The following ZCCHC4 variants were observed in gnomAD, a reference collection of about 807,000 sequenced individuals.
ZCCHC4 encodes rRNA N(6)-adenosine-methyltransferase ZCCHC4.
ZCCHC4 carries 54 observed loss-of-function variants against 67.7 expected under a neutral mutation model. That is an observed-to-expected ratio of 0.80 (90% CI 0.64 to 1.00). The LOEUF (loss-of-function observed/expected upper bound fraction) is 1.00, where lower values mean the gene tolerates loss of function less well. ZCCHC4 is among the 50% of genes least tolerant of loss of function. The pLI is 0.00. For missense variants in ZCCHC4, 609 were observed against 617.0 expected (o/e 0.99, Z 0.14); for synonymous variants, 198 against 213.5 (o/e 0.93, Z 0.63).
At chr4:25,347,687 A>G (rs754755206) in intron 6 of ZCCHC4, among the ~76,000 whole-genome samples, 13 of 152,228 alleles carry the variant, frequency 8.5e-5, no homozygotes, top group African/African-American at 1.9e-4. Context: ...TTAGGAGAAT[A>G]GAATACTCTG....
rs933077728 is a variant in ZCCHC4 at position 25,329,824 on chromosome 4, G to A, written c.330-3359G>A. ...GCTGGGATTACAGGCGTGAGCCACC[G>A]CACCTGGCCGGATGTTTTTATATTT... On this transcript the variant is annotated intron_variant, in intron 3 of 12. Coordinates refer to ENST00000302874, the MANE Select transcript of ZCCHC4 (RefSeq NM_024936.3). 5.3e-5 allele frequency among the ~76,000 whole-genome samples: 8 copies of A among 151,958 alleles called. No homozygotes were observed. The East Asian group carries it at 1.6e-3, about 29-fold the overall frequency.
At chr4:25,351,245 C>A (rs190382119) in intron 7 of ZCCHC4, among the ~76,000 whole-genome samples, 1 of 152,296 alleles carries the variant, frequency 6.6e-6, no homozygotes, top group African/African-American at 2.4e-5. Context: ...GTCCAGAGGT[C>A]CTTTCACTGC....
At chr4:25,358,705 G>A (rs1229038004) in intron 8 of ZCCHC4, among the ~76,000 whole-genome samples, 1 of 152,218 alleles carries the variant, frequency 6.6e-6, no homozygotes, top group African/African-American at 2.4e-5. Context: ...AGCGGGTTTG[G>A]AGCACAGGTG....
chr4:25,312,953 GCT>G lies in ZCCHC4; in HGVS notation c.127+19_127+20del. Reference sequence around the variant, plus strand: ...GCCCTCACGGTGGGTCAGAGTCTGGGCTCAGCCTAACTGCCGGGCGCTGAGGG... The same window carrying G: ...GCCCTCACGGTGGGTCAGAGTCTGGGCAGCCTAACTGCCGGGCGCTGAGGG... On this transcript the variant is annotated intron_variant, in intron 1 of 12. Coordinates refer to ENST00000302874, the MANE Select transcript of ZCCHC4 (RefSeq NM_024936.3). The G allele has an allele frequency of 6.2e-7, 1 of 1,610,460 alleles. No individual in the cohort carries two copies. The highest frequency in any genetic ancestry group is 8.5e-7 in the Non-Finnish European group (1 of 1,179,748).
At chr4:25,324,849 A>G (rs952896051) in intron 3 of ZCCHC4, among the ~76,000 whole-genome samples, 1 of 152,204 alleles carries the variant, frequency 6.6e-6, no homozygotes. Context: ...AGAAATGTCT[A>G]TTCAGTTCCT....
intron 3 of ZCCHC4, among the ~76,000 whole-genome samples, chr4:25,316,268 A>G (rs1239241217): frequency 6.6e-6 from 1 of 152,192 alleles, no homozygotes; most frequent in Admixed American, 6.5e-5. Flanking sequence ...TGCTGTTGTG[A>G]ATGATGCTAC....
In ZCCHC4 at chr4:25,355,797, A is replaced by T. The variant is rs192180683; in HGVS notation, c.1011+4108A>T. 1.1e-4 allele frequency among the ~76,000 whole-genome samples: 17 copies of T among 152,328 alleles called. No individual in the cohort carries two copies. In the East Asian group the frequency reaches 3.1e-3, roughly 28 times the overall value. ...GGTTTGAAGTAAAAAGGGGTATAAGATGTCCGCATGTCAATTTCAAATGAG... is the reference window on the plus strand; with the variant it reads ...GGTTTGAAGTAAAAAGGGGTATAAGTTGTCCGCATGTCAATTTCAAATGAG... On this transcript the variant is annotated intron_variant, in intron 8 of 12. Coordinates refer to ENST00000302874, the MANE Select transcript of ZCCHC4 (RefSeq NM_024936.3).
chr4:25,319,623 T>C (rs914736211), intron 3 of ZCCHC4, among the ~76,000 whole-genome samples: 10 of 152,120 alleles, frequency 6.6e-5, no homozygotes, highest in Admixed American at 6.5e-4. Flanking sequence ...TCTGAAAATA[T>C]TCAGTGTCTT....
chr4:25,349,657 A>G lies in ZCCHC4; in HGVS notation c.910+15A>G. 1.2e-6 allele frequency: 2 copies of G among 1,610,668 alleles called. No homozygotes were observed. The highest frequency in any genetic ancestry group is 1.7e-6 in the Non-Finnish European group (2 of 1,177,950). On this transcript the variant is annotated intron_variant, in intron 7 of 12. Transcript: ENST00000302874. ...TCAAAGCCAAGGTGTATAATTTATT[A>G]CTGCAAAATAAATACATATCTATAT...
At chr4:25,354,980 C>CAAA (rs760533409) in intron 8 of ZCCHC4, among the ~76,000 whole-genome samples, 37 of 149,874 alleles carry the variant, frequency 2.5e-4, no homozygotes, top group Non-Finnish European at 4.4e-4. Flanking sequence ...TAAAAAACCC[C>CAAA]AAATCACTAA....
intron 5 of ZCCHC4, among the ~76,000 whole-genome samples, chr4:25,338,771 A>G: frequency 6.6e-6 from 1 of 152,134 alleles, no homozygotes; most frequent in South Asian, 2.1e-4. Context: ...TACTATACGG[A>G]TATACCAAAT....
rs199749894 is a variant in ZCCHC4, at chr4:25,365,082, C to G, written c.1322C>G (p.Pro441Arg). ...GTTCCAGATCATTCTTGTGAGGGCC[C>G]CAAACATGGCTGCTTTATTTGTGGT... The part of the protein sequence containing the change: ...CAVPDHSCEG[P>R]KHGCFICGEL... The change falls in exon 12 of 13, where the codon CCC becomes CGC. Residue 441 changes from proline to arginine, a missense_variant. Transcript: ENST00000302874. The G allele has an allele frequency of 6.2e-7, 1 of 1,614,180 alleles. No individual in the cohort carries two copies. Among genetic ancestry groups the G allele is most frequent in the Non-Finnish European group, 8.5e-7 (1 of 1,180,026 alleles).
intron 1 of ZCCHC4, among the ~76,000 whole-genome samples, chr4:25,313,572 G>T (rs1404823242): frequency 6.6e-6 from 1 of 152,204 alleles, no homozygotes; most frequent in Non-Finnish European, 1.5e-5. Context: ...AGAGAGAAAA[G>T]AAACATTCAT....
chr4:25,323,669 G>C (rs74396562), intron 3 of ZCCHC4, among the ~76,000 whole-genome samples: 1 of 152,186 alleles, frequency 6.6e-6, no homozygotes, highest in Non-Finnish European at 1.5e-5. Context: ...AACCAGGGAT[G>C]TGTGGTCACC....
Position 25,370,162 on chromosome 4 carries a change from T to C in ZCCHC4, c.*998T>C, listed in dbSNP as rs977565760. ...GTGTCGTTTAACCTATGCAGTAAGATTCTGTCTTTGTAAAAGTAGTTCGTA... is the reference window on the plus strand; with the variant it reads ...GTGTCGTTTAACCTATGCAGTAAGACTCTGTCTTTGTAAAAGTAGTTCGTA... On this transcript the variant is annotated 3_prime_UTR_variant, in exon 13 of 13. Transcript: ENST00000302874. The C allele has an allele frequency of 1.3e-5, 2 of 152,220 alleles. No individual in the cohort carries two copies. The highest frequency in any genetic ancestry group is 4.8e-5 in the African/African-American group (2 of 41,464). The allele number at this position is 152,220 out of a possible 1,614,324, so 9.4% of individuals were successfully genotyped here. A position where few individuals can be genotyped will look rare whatever the true frequency, so the allele number is the denominator to read the frequency against.
At chr4:25,364,233 T>C (rs1308737373) in intron 10 of ZCCHC4, among the ~76,000 whole-genome samples, 2 of 152,154 alleles carry the variant, frequency 1.3e-5, no homozygotes, top group Non-Finnish European at 2.9e-5. Context: ...TCTCCTAGTT[T>C]TACAGTTAAG....
rs936275942 is a variant in ZCCHC4 at position 25,333,351 on chromosome 4, C to G, written c.498C>G (p.Asn166Lys). Residue 166 changes from asparagine (N) to lysine (K), a missense_variant, in exon 4 of 13, where the codon AAC becomes AAG. Asn to Lys is a moderately conservative substitution (Grantham distance 94, BLOSUM62 0). Coordinates refer to ENST00000302874, the MANE Select transcript of ZCCHC4 (RefSeq NM_024936.3). ...GTCAACTCCTTTATCCACTGGAAAACAAGAAGACAAATGCCCAGTATCTGT... is the reference window on the plus strand; with the variant it reads ...GTCAACTCCTTTATCCACTGGAAAAGAAGAAGACAAATGCCCAGTATCTGT... ...RPSQLLYPLE[N>K]KKTNAQYLFA... The G allele has an allele frequency of 6.2e-7, 1 of 1,614,124 alleles. No homozygotes were observed.
chr4:25,328,562 G>A (rs1719012788), intron 3 of ZCCHC4, among the ~76,000 whole-genome samples: 1 of 150,762 alleles, frequency 6.6e-6, no homozygotes, highest in South Asian at 2.1e-4. Flanking sequence ...TTTTTCCTCT[G>A]GTTTCTCTTT....
chr4:25,362,991 A>G (rs148430037), intron 10 of ZCCHC4, among the ~76,000 whole-genome samples: 1,688 of 152,232 alleles, frequency 0.011, 39 homozygotes, highest in African/African-American at 0.038. Context: ...CATTTGTTAC[A>G]ACTGATGGGC....
Sources: gnomAD v4.1 joint callset for allele counts (sites outside exome capture counted in the v4.1 genomes callset) on GRCh38, gnomAD v4.1.1 for gene constraint, MANE v1.5 for transcripts, NCBI Gene and HGNC (gene_info 2026-07-23, HGNC 2026-07-21) for gene names.